DZIP3: variants seen among roughly 807,000 people sequenced by gnomAD.
DZIP3 encodes E3 ubiquitin-protein ligase DZIP3.
In DZIP3, 118 loss-of-function variants were observed where a neutral mutation model predicts 162.0. The observed-to-expected ratio is 0.73, with a 90% CI of 0.63 to 0.85. DZIP3 has a LOEUF of 0.85. Among genes scored for constraint, DZIP3 ranks in the 40% least tolerant of loss-of-function variants. The pLI is 0.00. For synonymous variants in DZIP3, 438 were observed against 458.6 expected (o/e 0.96, Z 0.57); for missense variants, 1,331 against 1,407.0 (o/e 0.95, Z 0.86).
rs534406807 is a variant in DZIP3 at position 108,625,988 on chromosome 3, G to A, written c.581+19G>A. Reference sequence around the variant, plus strand: ...AAAAGAGGTAAGGATTTTAATTAACGGGTAGATGTTGCCTGTGAAGTCTCA... The same window carrying A: ...AAAAGAGGTAAGGATTTTAATTAACAGGTAGATGTTGCCTGTGAAGTCTCA... On this transcript the variant is annotated intron_variant, in intron 7 of 32. Transcript: ENST00000361582. 2.6e-5 allele frequency: 41 copies of A among 1,607,750 alleles called. No homozygotes were observed. The highest frequency in any genetic ancestry group is 1.7e-4 in the Middle Eastern group (1 of 6,052).
intron 19 of DZIP3, among the ~76,000 whole-genome samples, chr3:108,656,542 G>GA (rs926992098): frequency 2.0e-5 from 3 of 146,460 alleles, no homozygotes; most frequent in Non-Finnish European, 2.9e-5. Context: ...CAAAGATGGG[G>GA]AAAAAACAGA....
intron 8 of DZIP3, among the ~76,000 whole-genome samples, chr3:108,631,143 C>T (rs1164075850): frequency 1.4e-5 from 2 of 146,660 alleles, no homozygotes; most frequent in East Asian, 4.1e-4. Context: ...CAGGGTTTCC[C>T]TTCACTCTCA....
At chr3:108,631,055 A>ACACACACACACACACACACACACACACT in intron 8 of DZIP3, among the ~76,000 whole-genome samples, 2 of 18,006 alleles carry the variant, frequency 1.1e-4, no homozygotes, top group Non-Finnish European at 1.8e-4. Context: ...ACACACACAC[A>ACACACACACACACACACACACACACACT]CTCTCTCTCT....
chr3:108,631,055 A>ACACACACACACCCT, intron 8 of DZIP3, among the ~76,000 whole-genome samples: 1 of 18,006 alleles, frequency 5.6e-5, no homozygotes, highest in Non-Finnish European at 9.0e-5. Flanking sequence ...ACACACACAC[A>ACACACACACACCCT]CTCTCTCTCT....
intron 13 of DZIP3, 89 bp downstream of exon 13, chr3:108,642,603 T>C (rs1942450822): frequency 7.7e-7 from 1 of 1,302,148 alleles, no homozygotes; most frequent in African/African-American, 1.5e-5. Flanking sequence ...AACAACCACG[T>C]CTTTACTGTG....
chr3:108,623,803 G>A (rs964097025), intron 5 of DZIP3, among the ~76,000 whole-genome samples: 10 of 152,184 alleles, frequency 6.6e-5, no homozygotes, highest in Non-Finnish European at 1.5e-5. Context: ...CTGGAACTCA[G>A]GCTCTGACTG....
chr3:108,673,792 G>C (rs1185043477), intron 23 of DZIP3, among the ~76,000 whole-genome samples: 1 of 151,852 alleles, frequency 6.6e-6, no homozygotes, highest in Admixed American at 6.6e-5. Flanking sequence ...CTGGGACCAA[G>C]GCACCATTTT....
At chr3:108,679,836 TTCCATAGTAGAGAC>T (rs751260997) in intron 26 of DZIP3, among the ~76,000 whole-genome samples, 2 of 152,118 alleles carry the variant, frequency 1.3e-5, no homozygotes, top group Non-Finnish European at 2.9e-5. Context: ...GTCACCAGAC[TTCCATAGTAGAGAC>T]TTCTATGAAA....
At position 108,677,444 on chromosome 3, in the gene DZIP3, T is replaced by C. The variant is rs72945625; in HGVS notation, c.2782-53T>C. On this transcript the variant is annotated intron_variant, in intron 25 of 32. Coordinates refer to ENST00000361582, the MANE Select transcript of DZIP3 (RefSeq NM_014648.4). Reference sequence around the variant, plus strand: ...AACTACATCAGATATTCCCATATGCTGTCTCTTTAAAGTTGGTTGTTCTCT... The same window carrying C: ...AACTACATCAGATATTCCCATATGCCGTCTCTTTAAAGTTGGTTGTTCTCT... 10,807 of 1,427,028 alleles carry C rather than the reference T, an allele frequency of 7.6e-3. 606 individuals carry two copies. The African/African-American group carries it at 0.13, about 17-fold the overall frequency. 88.4% of individuals were successfully genotyped at this position (1,427,028 alleles called of 1,614,324 possible).
intron 15 of DZIP3, among the ~76,000 whole-genome samples, 186 bp downstream of exon 15, chr3:108,646,835 G>A (rs9870164): frequency 0.019 from 2,891 of 152,254 alleles, 101 homozygotes; most frequent in African/African-American, 0.066. Context: ...AAGGTCAGGA[G>A]ATCGAGACCA....
chr3:108,634,132 G>A (rs62266428), intron 9 of DZIP3, among the ~76,000 whole-genome samples: 30,709 of 151,672 alleles, frequency 0.2, 3,697 homozygotes, highest in East Asian at 0.45. Flanking sequence ...GTGGGAAGAA[G>A]GAGAAGACCA....
chr3:108,694,126 A>G lies in DZIP3; in HGVS notation c.*773A>G, dbSNP rs182426894. On this transcript the variant is annotated 3_prime_UTR_variant, in exon 33 of 33. Transcript: ENST00000361582. ...ATAAATGTTTCCTGACTCAGAAACA[A>G]TTTTGCCTCCATATTTCAGTGCAAA... 95 of 152,270 alleles carry G rather than the reference A, an allele frequency of 6.2e-4. No individual in the cohort carries two copies. The highest frequency in any genetic ancestry group is 2.3e-3 in the African/African-American group (94 of 41,566). The allele number at this position is 152,270 out of a possible 1,614,324, so 9.4% of individuals were successfully genotyped here.
rs777135933 is a variant in DZIP3, at chr3:108,662,151, A to G, written c.2317A>G (p.Thr773Ala). The change falls in exon 21 of 33, where the codon ACA becomes GCA. Residue 773 changes from threonine to alanine, a missense_variant. By Grantham distance (58) the Thr-to-Ala change is moderately conservative (BLOSUM62 0). Coordinates refer to ENST00000361582, the MANE Select transcript of DZIP3 (RefSeq NM_014648.4). ...TCAGGATTTCAAAAGACAGTTGAGA[A>G]CAGTGACTTTTCGGTGGCAAGAAAA... ...QCEDFKRQLRTVTFRWQENQM... is the reference protein window; with the variant it reads ...QCEDFKRQLRAVTFRWQENQM... The G allele has an allele frequency of 1.2e-6, 2 of 1,607,210 alleles. No individual in the cohort carries two copies. Among genetic ancestry groups the G allele is most frequent in the Admixed American group, 1.7e-5 (1 of 58,120 alleles).
chr3:108,605,513 G>GGGTGCGGGGAATGGTTTT, intron 2 of DZIP3, 75 bp downstream of exon 2: 1 of 1,492,888 alleles, frequency 6.7e-7, no homozygotes, highest in Non-Finnish European at 9.3e-7. Flanking sequence ...CGGATGGTGG[G>GGGTGCGGGGAATGGTTTT]GGTGCGGGGA....
chr3:108,650,172 T>A (rs1359272735), intron 17 of DZIP3, among the ~76,000 whole-genome samples: 1 of 151,830 alleles, frequency 6.6e-6, no homozygotes, highest in Non-Finnish European at 1.5e-5. Flanking sequence ...AAGCCTCGTA[T>A]GGCTGATATA....
intron 21 of DZIP3, among the ~76,000 whole-genome samples, chr3:108,662,522 A>G (rs1334493809): frequency 6.6e-6 from 1 of 152,228 alleles, no homozygotes; most frequent in Non-Finnish European, 1.5e-5. Flanking sequence ...AAAGATAATT[A>G]ACTTTCAGGT....
intron 1 of DZIP3, among the ~76,000 whole-genome samples, chr3:108,599,516 A>G (rs1939882436): frequency 6.6e-6 from 1 of 152,204 alleles, no homozygotes; most frequent in Admixed American, 6.5e-5. Flanking sequence ...TTATTCTTTG[A>G]GTCTAACCTA....
At chr3:108,609,042 C>A (rs759563914) in intron 3 of DZIP3, among the ~76,000 whole-genome samples, 13 of 152,062 alleles carry the variant, frequency 8.5e-5, no homozygotes, top group Admixed American at 5.9e-4. Flanking sequence ...AGGTGCCACA[C>A]ACTTTTAAAC....
At chr3:108,680,477 G>A (rs1944266217) in intron 26 of DZIP3, among the ~76,000 whole-genome samples, 1 of 152,138 alleles carries the variant, frequency 6.6e-6, no homozygotes, top group Non-Finnish European at 1.5e-5. Flanking sequence ...AGAATCAATA[G>A]CATTTCTGTT....
Sources: gnomAD v4.1 joint callset for allele counts (sites outside exome capture counted in the v4.1 genomes callset) on GRCh38, gnomAD v4.1.1 for gene constraint, MANE v1.5 for transcripts, NCBI Gene and HGNC (gene_info 2026-07-23, HGNC 2026-07-21) for gene names.